Variants in DAB1 observed in about 807,000 individuals in gnomAD.
DAB1 encodes the protein DAB adaptor protein 1.
Under a neutral mutation model 64.6 loss-of-function variants are expected in DAB1, and 15 were observed. The observed-to-expected ratio is 0.23, with a 90% CI of 0.16 to 0.36. The LOEUF (loss-of-function observed/expected upper bound fraction) is 0.36, where lower values mean the gene tolerates loss of function less well. Among genes scored for constraint, DAB1 ranks in the 10% least tolerant of loss-of-function variants. The pLI, the probability that DAB1 is intolerant of heterozygous loss-of-function variation, is 1.00. For missense variants in DAB1, 596 were observed against 706.7 expected (o/e 0.84, Z 1.78); for synonymous variants, 235 against 251.9 (o/e 0.93, Z 0.64).
intron 1 of DAB1, among the ~76,000 whole-genome samples, chr1:57,834,917 T>C (rs1015384616): frequency 6.6e-5 from 10 of 152,242 alleles, no homozygotes; most frequent in Admixed American, 3.9e-4. Flanking sequence ...CCCAAGTCTA[T>C]TTTCCCCACC....
At chr1:58,463,602 A>G (rs902918978) in intron 3 of DAB1, among the ~76,000 whole-genome samples, 2 of 152,224 alleles carry the variant, frequency 1.3e-5, no homozygotes, top group Non-Finnish European at 2.9e-5. Context: ...ATAAGGTCAT[A>G]TGCATGCTTG....
chr1:58,400,015 A>G (rs1644556131), intron 3 of DAB1, among the ~76,000 whole-genome samples: 1 of 152,106 alleles, frequency 6.6e-6, no homozygotes, highest in Non-Finnish European at 1.5e-5. Flanking sequence ...ATAAATAAAT[A>G]AATAAATTGA....
intron 3 of DAB1, among the ~76,000 whole-genome samples, chr1:58,452,890 C>G (rs1290397893): frequency 6.6e-6 from 1 of 151,526 alleles, no homozygotes; most frequent in Non-Finnish European, 1.5e-5. Context: ...ACTTGCCATA[C>G]AGCTCAGCAG....
intron 5 of DAB1, among the ~76,000 whole-genome samples, chr1:57,901,602 C>G (rs962516584): frequency 6.6e-6 from 1 of 152,070 alleles, no homozygotes; most frequent in Non-Finnish European, 1.5e-5. Flanking sequence ...TTTCCCAGAG[C>G]CTCCCTAGCC....
chr1:57,886,544 G>T (rs571364255), upstream of DAB1, among the ~76,000 whole-genome samples: 1 of 152,178 alleles, frequency 6.6e-6, no homozygotes, highest in Admixed American at 6.6e-5. Context: ...TAAGCCCTTC[G>T]TATACTTCAT....
At chr1:58,495,395 T>C (rs527722324) in intron 3 of DAB1, among the ~76,000 whole-genome samples, 1 of 152,314 alleles carries the variant, frequency 6.6e-6, no homozygotes, top group Non-Finnish European at 1.5e-5. Flanking sequence ...GTTGTGCACA[T>C]GTACCCTAAA....
At chr1:57,993,425 A>C (rs997889768) in intron 5 of DAB1, among the ~76,000 whole-genome samples, 2 of 152,118 alleles carry the variant, frequency 1.3e-5, no homozygotes, top group African/African-American at 4.8e-5. Context: ...ATCCTCGGAG[A>C]GCTGCTTTAT....
chr1:57,432,589 C>T (rs1685556633), intron 7 of DAB1, among the ~76,000 whole-genome samples: 1 of 152,138 alleles, frequency 6.6e-6, no homozygotes, highest in Admixed American at 6.5e-5. Context: ...AAGAAGAGGA[C>T]TAAGAGGTGG....
chr1:57,027,499 T>C (rs1012157261), intron 9 of DAB1, among the ~76,000 whole-genome samples: 2 of 152,172 alleles, frequency 1.3e-5, no homozygotes, highest in Non-Finnish European at 2.9e-5. Flanking sequence ...TACCCACAAA[T>C]GTCTTCATAA....
At chr1:58,166,904 G>A (rs1655870326) in intron 4 of DAB1, among the ~76,000 whole-genome samples, 1 of 150,672 alleles carries the variant, frequency 6.6e-6, no homozygotes, top group Admixed American at 6.6e-5. Flanking sequence ...CACCACCATG[G>A]GCTGGCTAAT....
At chr1:58,256,259 G>C (rs1660925965) in intron 4 of DAB1, among the ~76,000 whole-genome samples, 1 of 152,230 alleles carries the variant, frequency 6.6e-6, no homozygotes, top group Non-Finnish European at 1.5e-5. Flanking sequence ...TGATTGCAGT[G>C]AAGATGGATC....
intron 4 of DAB1, among the ~76,000 whole-genome samples, chr1:58,180,508 T>C (rs1656735234): frequency 6.6e-6 from 1 of 151,964 alleles, no homozygotes; most frequent in African/African-American, 2.4e-5. Context: ...TTGCCCAGGC[T>C]GGTCTCAAAC....
chr1:58,399,267 T>C (rs1644550560), intron 3 of DAB1, among the ~76,000 whole-genome samples: 1 of 152,232 alleles, frequency 6.6e-6, no homozygotes, highest in Non-Finnish European at 1.5e-5. Flanking sequence ...CCTGACAATC[T>C]TGTGAAGCAG....
chr1:57,017,443 C>A (rs1159064033), intron 11 of DAB1, among the ~76,000 whole-genome samples: 2 of 152,132 alleles, frequency 1.3e-5, no homozygotes, highest in African/African-American at 4.8e-5. Flanking sequence ...CCAGAGAGAT[C>A]CAATGCAGGG....
At chr1:57,601,013 T>G (rs564710126) in intron 7 of DAB1, among the ~76,000 whole-genome samples, 4 of 151,520 alleles carry the variant, frequency 2.6e-5, no homozygotes, top group South Asian at 4.2e-4. Context: ...AAAAAGAGAG[T>G]TTTTTTTTAA....
intron 1 of DAB1, among the ~76,000 whole-genome samples, chr1:58,543,319 T>C (rs1181753634): frequency 4.6e-5 from 7 of 152,226 alleles, no homozygotes; most frequent in Non-Finnish European, 1.0e-4. Flanking sequence ...TGAGGGTTCC[T>C]CCTACACTTT....
At chr1:58,437,483 G>A (rs941079869) in intron 3 of DAB1, among the ~76,000 whole-genome samples, 10 of 152,104 alleles carry the variant, frequency 6.6e-5, no homozygotes, top group South Asian at 2.1e-4. Flanking sequence ...ACCATGCTGC[G>A]GAATATAGTG....
chr1:58,478,320 C>T (rs1645439990), intron 3 of DAB1, among the ~76,000 whole-genome samples: 1 of 152,188 alleles, frequency 6.6e-6, no homozygotes, highest in Non-Finnish European at 1.5e-5. Context: ...TCAATTAAAT[C>T]CCTTTTCTTT....
intron 2 of DAB1, among the ~76,000 whole-genome samples, chr1:57,157,583 AG>A (rs1296119510): frequency 8.4e-6 from 1 of 118,844 alleles, no homozygotes; most frequent in Non-Finnish European, 1.8e-5. Context: ...AGAGAGAGAG[AG>A]AGAGAGAGAG....
Sources: gnomAD v4.1 joint callset for allele counts (sites outside exome capture counted in the v4.1 genomes callset) on GRCh38, gnomAD v4.1.1 for gene constraint, MANE v1.5 for transcripts, NCBI Gene and HGNC (gene_info 2026-07-23, HGNC 2026-07-21) for gene names.